Variants in PEBP4 observed in about 807,000 individuals in gnomAD.
The protein encoded by PEBP4 is phosphatidylethanolamine binding protein 4, also known as phosphatidylethanolamine-binding protein 4.
In PEBP4, 22 loss-of-function variants were observed where a neutral mutation model predicts 23.9. The ratio of observed to expected loss-of-function variants is 0.92; its 90% CI spans 0.66 to 1.31. PEBP4 has a LOEUF of 1.31. Ranked by LOEUF, PEBP4 falls within the 40% of genes most tolerant of loss-of-function variation. PEBP4 has a pLI of 0.00. For synonymous variants in PEBP4, 112 were observed against 99.3 expected (o/e 1.13, Z -0.76); for missense variants, 324 against 281.7 (o/e 1.15, Z -1.07).
intron 4 of PEBP4, among the ~76,000 whole-genome samples, chr8:22,761,748 G>A (rs953827715): frequency 6.6e-6 from 1 of 152,180 alleles, no homozygotes; most frequent in African/African-American, 2.4e-5. Flanking sequence ...GAAGTCAACA[G>A]AGGGTTCTTT....
intron 3 of PEBP4, among the ~76,000 whole-genome samples, chr8:22,851,685 T>C (rs779438052): frequency 6.6e-6 from 1 of 151,926 alleles, no homozygotes; most frequent in African/African-American, 2.4e-5. Context: ...CTTATCAGAA[T>C]CCCATTACCC....
At chr8:22,882,698 C>G (rs1362140768) in intron 3 of PEBP4, among the ~76,000 whole-genome samples, 1 of 152,130 alleles carries the variant, frequency 6.6e-6, no homozygotes, top group African/African-American at 2.4e-5. Flanking sequence ...AGGGCTAATT[C>G]CTAGAAATAG....
At chr8:22,832,905 T>C (rs895870920) in intron 3 of PEBP4, among the ~76,000 whole-genome samples, 1 of 151,696 alleles carries the variant, frequency 6.6e-6, no homozygotes, top group Non-Finnish European at 1.5e-5. Flanking sequence ...ATCTCCTTTA[T>C]CAGGCTGGGT....
At chr8:22,878,742 CAGGGAACAG>C (rs765133611) in intron 3 of PEBP4, among the ~76,000 whole-genome samples, 7 of 152,166 alleles carry the variant, frequency 4.6e-5, no homozygotes, top group South Asian at 2.1e-4. Flanking sequence ...GCTTGGAGCT[CAGGGAACAG>C]AGAGCAAACT....
chr8:22,843,469 T>G (rs1807367590), intron 3 of PEBP4, among the ~76,000 whole-genome samples: 1 of 152,180 alleles, frequency 6.6e-6, no homozygotes, highest in Non-Finnish European at 1.5e-5. Context: ...CATCTAAGTG[T>G]CATACACAGG....
chr8:22,740,274 G>C (rs1804961556), intron 4 of PEBP4, among the ~76,000 whole-genome samples: 1 of 152,234 alleles, frequency 6.6e-6, no homozygotes, highest in Non-Finnish European at 1.5e-5. Flanking sequence ...GTGCTCATTA[G>C]AAAGTGTGAC....
chr8:22,759,555 G>A (rs978545734), intron 4 of PEBP4, among the ~76,000 whole-genome samples: 12 of 152,108 alleles, frequency 7.9e-5, no homozygotes, highest in Admixed American at 2.0e-4. Flanking sequence ...GGCTGCAGCT[G>A]GGGTGAGAAC....
At chr8:22,839,663 C>A (rs1314571695) in intron 3 of PEBP4, among the ~76,000 whole-genome samples, 1 of 152,174 alleles carries the variant, frequency 6.6e-6, no homozygotes, top group Non-Finnish European at 1.5e-5. Context: ...GGGTTGAAGC[C>A]TCTGGTTTCT....
At chr8:22,885,038 A>T (rs1436292698) in intron 3 of PEBP4, 2 of 152,168 alleles carry the variant, frequency 1.3e-5, no homozygotes, top group African/African-American at 2.4e-5. Context: ...TCCCCAAATG[A>T]AGTGGACACT....
At chr8:22,817,813 C>T (rs1204296260) in intron 3 of PEBP4, 78 bp from the exon 4 acceptor site, 17 of 1,357,840 alleles carry the variant, frequency 1.3e-5, no homozygotes, top group African/African-American at 8.6e-5. Context: ...CTCCTTTTCC[C>T]GCCATTCCAA....
At chr8:22,855,002 A>ACG (rs1197449115) in intron 3 of PEBP4, among the ~76,000 whole-genome samples, 7 of 49,404 alleles carry the variant, frequency 1.4e-4, no homozygotes, top group African/African-American at 5.9e-4. Flanking sequence ...GTATGCACGC[A>ACG]CACACACACA....
intron 3 of PEBP4, chr8:22,895,383 G>T (rs1029860555): frequency 6.6e-6 from 1 of 152,194 alleles, no homozygotes; most frequent in African/African-American, 2.4e-5. Flanking sequence ...CCTTCACTCT[G>T]TCCCAGGAGA....
intron 5 of PEBP4, 71 bp downstream of exon 5, chr8:22,727,104 A>C: frequency 1.3e-6 from 2 of 1,539,694 alleles, no homozygotes; most frequent in South Asian, 1.1e-5. Context: ...AAGCAGCACC[A>C]TGAGGTTTTG....
At chr8:22,741,356 G>C (rs867883977) in intron 4 of PEBP4, among the ~76,000 whole-genome samples, 10 of 152,222 alleles carry the variant, frequency 6.6e-5, no homozygotes, top group African/African-American at 2.4e-4. Context: ...GCCCACCAGG[G>C]CCTGCTGGGG....
intron 3 of PEBP4, among the ~76,000 whole-genome samples, chr8:22,911,393 C>G (rs1379185415): frequency 6.6e-6 from 1 of 152,202 alleles, no homozygotes; most frequent in Non-Finnish European, 1.5e-5. Flanking sequence ...ACCTCCCCAC[C>G]AGGCAGTGGG....
intron 4 of PEBP4, among the ~76,000 whole-genome samples, chr8:22,786,012 G>A (rs974794371): frequency 6.6e-6 from 1 of 152,208 alleles, no homozygotes; most frequent in South Asian, 2.1e-4. Context: ...CAGTGTTATA[G>A]TGGGAATAAA....
Position 22,817,671 on chromosome 8 carries a change from CTCTG to C in PEBP4, c.319_322del (p.Gln107AspfsTer8). Reference sequence around the variant, plus strand: ...TGTTACCAGCCAATGTCTCCAGAATCTCTGTCTGGGTTCTGCTCTGCTAGGGGCA... The same window carrying C: ...TGTTACCAGCCAATGTCTCCAGAATCTCTGGGTTCTGCTCTGCTAGGGGCA... On this transcript the variant is annotated frameshift_variant, in exon 4 of 7. Transcript: ENST00000256404. LOFTEE classifies it high-confidence loss of function. The C allele has an allele frequency of 6.2e-7, 1 of 1,614,208 alleles. No homozygotes were observed.
intron 3 of PEBP4, among the ~76,000 whole-genome samples, chr8:22,863,680 G>A (rs536577612): frequency 2.0e-5 from 3 of 152,276 alleles, no homozygotes; most frequent in South Asian, 2.1e-4. Context: ...CGCTGTGTGC[G>A]TCGTTGCTAG....
At chr8:22,793,489 C>T (rs952510581) in intron 4 of PEBP4, among the ~76,000 whole-genome samples, 3 of 149,840 alleles carry the variant, frequency 2.0e-5, no homozygotes, top group Non-Finnish European at 3.0e-5. Context: ...CCATGTTGGC[C>T]AGGCTGGTCT....
Sources: allele counts gnomAD v4.1 joint callset (sites outside exome capture counted in the v4.1 genomes callset), GRCh38; gene constraint gnomAD v4.1.1; transcripts MANE v1.5; gene names NCBI Gene and HGNC (gene_info 2026-07-23, HGNC 2026-07-21).